ATP6V0A4: variants seen among roughly 807,000 people sequenced by gnomAD.
ATP6V0A4 encodes V-type proton ATPase 116 kDa subunit a 4.
ATP6V0A4 carries 86 observed loss-of-function variants against 107.3 expected under a neutral mutation model. The observed-to-expected ratio is 0.80, with a 90% CI of 0.67 to 0.96. The LOEUF (loss-of-function observed/expected upper bound fraction) is 0.96. Among genes scored for constraint, ATP6V0A4 ranks in the 40% least tolerant of loss-of-function variants. The pLI is 0.00. For synonymous variants in ATP6V0A4, 353 were observed against 381.4 expected, an observed-to-expected ratio of 0.93 and a Z score of 0.87; for missense variants, 908 against 1,045.6, an observed-to-expected ratio of 0.87 and a Z score of 1.81.
At chr7:138,790,548 G>A (rs1808364348) in intron 1 of ATP6V0A4, among the ~76,000 whole-genome samples, 1 of 152,138 alleles carries the variant, frequency 6.6e-6, no homozygotes, top group Non-Finnish European at 1.5e-5. Context: ...GCCCACCTTG[G>A]CCTTCCAAAA....
At chr7:138,739,245 T>C (rs977844739) in intron 15 of ATP6V0A4, among the ~76,000 whole-genome samples, 1 of 152,106 alleles carries the variant, frequency 6.6e-6, no homozygotes, top group African/African-American at 2.4e-5. Flanking sequence ...ATATGCATAC[T>C]CCCCAGGCAA....
chr7:138,709,903 A>C, intron 20 of ATP6V0A4, 108 bp from the exon 21 acceptor site: 1 of 1,278,584 alleles, frequency 7.8e-7, no homozygotes, highest in South Asian at 1.5e-5. Context: ...AAATAGAGAC[A>C]GGGTCTCACT....
intron 2 of ATP6V0A4, among the ~76,000 whole-genome samples, chr7:138,782,179 G>T (rs1223209674): frequency 6.6e-6 from 1 of 152,180 alleles, no homozygotes; most frequent in Non-Finnish European, 1.5e-5. Context: ...CGCAAGGCTG[G>T]TTCCCTCTGA....
At chr7:138,758,714 CCCCACTCAGA>C in intron 8 of ATP6V0A4, among the ~76,000 whole-genome samples, 1 of 148,804 alleles carries the variant, frequency 6.7e-6, no homozygotes, top group Admixed American at 6.8e-5. Context: ...GAATCTCAGG[CCCCACTCAGA>C]CCCACTGACT....
rs767415380 is a variant in ATP6V0A4 at position 138,709,783 on chromosome 7, A to G, written c.2270T>C (p.Val757Ala). The change falls in exon 21 of 22, where the codon GTG (valine) becomes GCG (alanine). Residue 757 changes from valine to alanine, a missense_variant. Transcript: ENST00000310018. ...LSLAHAQLSEVLWTMVMNSGL... is the reference protein window; with the variant it reads ...LSLAHAQLSEALWTMVMNSGL... ...GCTGTTCATCACCATAGTCCAGAGC[A>G]CTTCAGACAGTTCTGCAAGGTACGA... 3.1e-6 allele frequency: 5 copies of G among 1,613,970 alleles called. No individual in the cohort carries two copies. The highest frequency in any genetic ancestry group is 4.2e-6 in the Non-Finnish European group (5 of 1,179,882).
intron 11 of ATP6V0A4, among the ~76,000 whole-genome samples, chr7:138,752,314 G>A (rs10954627): frequency 0.14 from 21,194 of 151,754 alleles, 1,883 homozygotes; most frequent in Admixed American, 0.23. Flanking sequence ...AGGTTGCAGT[G>A]AGCCGAGACT....
chr7:138,740,117 G>A (rs1379370837), intron 14 of ATP6V0A4, among the ~76,000 whole-genome samples: 2 of 149,506 alleles, frequency 1.3e-5, no homozygotes, highest in East Asian at 4.0e-4. Context: ...AAAAAAGGGA[G>A]AAGGGGGAGA....
At chr7:138,745,554 G>A (rs1330257351) in intron 13 of ATP6V0A4, among the ~76,000 whole-genome samples, 1 of 151,348 alleles carries the variant, frequency 6.6e-6, no homozygotes, top group Non-Finnish European at 1.5e-5. Flanking sequence ...GTGCATGCCT[G>A]TAATCCCAGC....
chr7:138,741,844 A>C (rs1481247953), intron 14 of ATP6V0A4, among the ~76,000 whole-genome samples: 2 of 152,210 alleles, frequency 1.3e-5, no homozygotes, highest in Non-Finnish European at 2.9e-5. Context: ...GGTGACCAGA[A>C]TCAGCTCACT....
chr7:138,752,379 T>A (rs981713092), intron 11 of ATP6V0A4, among the ~76,000 whole-genome samples: 2 of 95,888 alleles, frequency 2.1e-5, no homozygotes, highest in African/African-American at 3.9e-5. Context: ...TTTTTTTTTT[T>A]TTAAAAAAAC....
chr7:138,793,624 C>G (rs1808525356), intron 1 of ATP6V0A4, among the ~76,000 whole-genome samples: 1 of 152,152 alleles, frequency 6.6e-6, no homozygotes, highest in Admixed American at 6.5e-5. Context: ...CATATGGTGT[C>G]TTTTAACTAA....
chr7:138,728,172 G>A (rs902518869), intron 18 of ATP6V0A4, among the ~76,000 whole-genome samples: 7 of 140,630 alleles, frequency 5.0e-5, no homozygotes, highest in African/African-American at 1.8e-4. Context: ...TAACTACCAC[G>A]AGACTCAGCA....
At chr7:138,795,648 T>C (rs1048531424) in intron 1 of ATP6V0A4, among the ~76,000 whole-genome samples, 9 of 152,140 alleles carry the variant, frequency 5.9e-5, no homozygotes, top group African/African-American at 2.2e-4. Context: ...AAATTTTTGT[T>C]TGTTTGTTTG....
chr7:138,737,923 A>C (rs2117253356), intron 15 of ATP6V0A4, among the ~76,000 whole-genome samples: 1 of 151,950 alleles, frequency 6.6e-6, no homozygotes, highest in Non-Finnish European at 1.5e-5. Context: ...CACCATGCCC[A>C]GCTAATTTCT....
chr7:138,792,770 T>C (rs553430632), intron 1 of ATP6V0A4, among the ~76,000 whole-genome samples: 2 of 80,704 alleles, frequency 2.5e-5, no homozygotes, highest in Admixed American at 1.3e-4. Context: ...AGGTTTGTTT[T>C]TTTTTTTGTT....
chr7:138,797,076 G>A (rs2130249888), intron 1 of ATP6V0A4, among the ~76,000 whole-genome samples: 2 of 152,110 alleles, frequency 1.3e-5, no homozygotes, highest in African/African-American at 4.8e-5. Flanking sequence ...GGTGCTGCTG[G>A]TACAGCCACC....
chr7:138,770,654 T>C (rs1043118993), intron 3 of ATP6V0A4, among the ~76,000 whole-genome samples: 6 of 152,300 alleles, frequency 3.9e-5, no homozygotes, highest in Middle Eastern at 3.4e-3. Flanking sequence ...GATACCCCCA[T>C]GTCATACTCA....
intron 2 of ATP6V0A4, among the ~76,000 whole-genome samples, chr7:138,777,984 G>T (rs1262741659): frequency 6.6e-6 from 1 of 152,138 alleles, no homozygotes; most frequent in Admixed American, 6.6e-5. Context: ...CATGTGACAG[G>T]TCGCAATCAA....
At chr7:138,758,177 T>C (rs988714084) in intron 8 of ATP6V0A4, among the ~76,000 whole-genome samples, 1 of 152,192 alleles carries the variant, frequency 6.6e-6, no homozygotes. Context: ...TGATTTAATG[T>C]CAAATTTAAA....
Sources: gnomAD v4.1 joint callset for allele counts (sites outside exome capture counted in the v4.1 genomes callset) on GRCh38, gnomAD v4.1.1 for gene constraint, MANE v1.5 for transcripts, NCBI Gene and HGNC (gene_info 2026-07-23, HGNC 2026-07-21) for gene names.